Variants in SUPT3H observed in about 807,000 individuals in gnomAD.
The protein encoded by SUPT3H is transcription initiation protein SPT3 homolog.
A neutral mutation model predicts 44.3 loss-of-function variants in SUPT3H; 44 were observed. The ratio of observed to expected loss-of-function variants is 0.99; its 90% CI spans 0.78 to 1.28. The LOEUF (loss-of-function observed/expected upper bound fraction) is 1.28, where lower values mean the gene tolerates loss of function less well. SUPT3H is among the 50% of genes most tolerant of loss of function. The probability of loss-of-function intolerance (pLI) is 0.00; values close to 1 mark genes in which losing one functional copy is unlikely to be tolerated. For missense variants in SUPT3H, 380 were observed against 387.1 expected, an observed-to-expected ratio of 0.98 and a Z score of 0.15; for synonymous variants, 124 against 125.6, an observed-to-expected ratio of 0.99 and a Z score of 0.09.
chr6:44,868,021 G>T (rs1775776721), intron 10 of SUPT3H, among the ~76,000 whole-genome samples: 1 of 148,092 alleles, frequency 6.8e-6, no homozygotes. Context: ...AATTCTCAAT[G>T]GATCTCTTGG....
intron 3 of SUPT3H, among the ~76,000 whole-genome samples, chr6:45,053,276 C>T (rs1413051809): frequency 6.6e-6 from 1 of 151,182 alleles, no homozygotes; most frequent in Non-Finnish European, 1.5e-5. Context: ...GTCTCCAACT[C>T]CCAGCCTCAA....
At chr6:45,265,807 T>A (rs1775159079) in intron 2 of SUPT3H, among the ~76,000 whole-genome samples, 1 of 152,068 alleles carries the variant, frequency 6.6e-6, no homozygotes, top group Non-Finnish European at 1.5e-5. Flanking sequence ...CAAGCAAGAA[T>A]GTTATGTTTG....
intron 2 of SUPT3H, among the ~76,000 whole-genome samples, chr6:45,295,071 A>G (rs1220181851): frequency 1.3e-5 from 2 of 152,140 alleles, no homozygotes; most frequent in Non-Finnish European, 2.9e-5. Context: ...ATAAACCTGG[A>G]GGCATCACAT....
At chr6:45,240,947 C>A (rs999095536) in intron 2 of SUPT3H, among the ~76,000 whole-genome samples, 15 of 152,172 alleles carry the variant, frequency 9.9e-5, no homozygotes, top group Non-Finnish European at 5.9e-5. Flanking sequence ...GCATCCCAGG[C>A]ACACCTGACC....
chr6:45,213,358 A>G (rs1254816342), intron 2 of SUPT3H, among the ~76,000 whole-genome samples: 1 of 152,234 alleles, frequency 6.6e-6, no homozygotes, highest in Non-Finnish European at 1.5e-5. Flanking sequence ...TGTAAATTTA[A>G]TATGAAAAAA....
intron 10 of SUPT3H, among the ~76,000 whole-genome samples, chr6:44,922,745 G>A (rs1024270104): frequency 2.0e-5 from 3 of 152,092 alleles, no homozygotes; most frequent in Non-Finnish European, 4.4e-5. Context: ...GCAACTTAAT[G>A]TACTGAAAGA....
intron 2 of SUPT3H, 57 bp downstream of exon 2, chr6:45,365,144 T>C: frequency 1.8e-6 from 2 of 1,083,388 alleles, no homozygotes; most frequent in Non-Finnish European, 2.7e-6. Context: ...GTCTATTGTC[T>C]TTCAACATGA....
rs145020125 is a variant in SUPT3H at position 44,957,089 on chromosome 6, T to C, written c.581-2482A>G. ...CTAGTAACCTAGAGGGAAAGATTGA[T>C]AGTGAAGATTTTATGAAATCTGTAA... On this transcript the variant is annotated intron_variant, in intron 7 of 10. Coordinates refer to ENST00000371459, the MANE Select transcript of SUPT3H (RefSeq NM_003599.4). 1.7e-3 allele frequency among the ~76,000 whole-genome samples: 265 copies of C among 152,320 alleles called. 10 individuals are homozygous for C. The East Asian group carries it at 0.047, about 27-fold the overall frequency.
chr6:45,029,389 A>G (rs76278307), intron 3 of SUPT3H, among the ~76,000 whole-genome samples: 2,932 of 150,810 alleles, frequency 0.019, 58 homozygotes, highest in South Asian at 0.086. Flanking sequence ...GTGTGTGTAC[A>G]TATATTGCAT....
At chr6:45,267,668 A>T (rs1413055483) in intron 2 of SUPT3H, among the ~76,000 whole-genome samples, 1 of 152,216 alleles carries the variant, frequency 6.6e-6, no homozygotes, top group Non-Finnish European at 1.5e-5. Context: ...TATTGCACTT[A>T]GCAGAGTTAC....
intron 2 of SUPT3H, among the ~76,000 whole-genome samples, chr6:45,228,643 A>G (rs928492001): frequency 6.6e-6 from 1 of 152,132 alleles, no homozygotes; most frequent in Admixed American, 6.5e-5. Flanking sequence ...TTCTAAAAAT[A>G]AAAATAAAAA....
At chr6:45,288,557 ATATATATG>A (rs1562882103) in intron 2 of SUPT3H, among the ~76,000 whole-genome samples, 2 of 11,046 alleles carry the variant, frequency 1.8e-4, no homozygotes, top group East Asian at 3.0e-3. Flanking sequence ...GTATATATAT[ATATATATG>A]TATATATATA....
intron 3 of SUPT3H, among the ~76,000 whole-genome samples, chr6:45,031,080 G>T (rs893178724): frequency 2.0e-5 from 3 of 152,056 alleles, no homozygotes; most frequent in Non-Finnish European, 2.9e-5. Context: ...TTTTTTAAAT[G>T]CCTATGATTT....
chr6:45,193,765 G>T (rs184664363), intron 2 of SUPT3H, among the ~76,000 whole-genome samples: 1 of 152,054 alleles, frequency 6.6e-6, no homozygotes, highest in Non-Finnish European at 1.5e-5. Context: ...TCTTAGAAAA[G>T]TTCAATCAGT....
At chr6:44,906,646 C>T (rs1022199886) in intron 10 of SUPT3H, among the ~76,000 whole-genome samples, 1 of 152,050 alleles carries the variant, frequency 6.6e-6, no homozygotes, top group Non-Finnish European at 1.5e-5. Flanking sequence ...CCTATAATCC[C>T]AGTTACTTGG....
intron 10 of SUPT3H, among the ~76,000 whole-genome samples, chr6:44,914,646 A>G (rs1562035269): frequency 6.6e-6 from 1 of 152,216 alleles, no homozygotes; most frequent in African/African-American, 2.4e-5. Context: ...AGGCACATTA[A>G]GTTTGAGGGG....
intron 2 of SUPT3H, among the ~76,000 whole-genome samples, chr6:45,265,268 CT>C (rs558022605): frequency 3.3e-5 from 5 of 151,976 alleles, no homozygotes; most frequent in Non-Finnish European, 7.4e-5. Flanking sequence ...TAGGTAAGAC[CT>C]TATGTCCTTT....
intron 2 of SUPT3H, among the ~76,000 whole-genome samples, chr6:45,142,736 CAAAAAAAAAA>C (rs70993502): frequency 5.3e-4 from 8 of 14,966 alleles, no homozygotes; most frequent in African/African-American, 1.4e-3. Context: ...AACTCCGTCT[CAAAAAAAAAA>C]AAAAAAAAAA....
intron 5 of SUPT3H, among the ~76,000 whole-genome samples, chr6:45,005,697 T>C (rs1288207103): frequency 1.0e-5 from 1 of 100,312 alleles, no homozygotes; most frequent in African/African-American, 4.6e-5. Flanking sequence ...GCAAAACTCG[T>C]CTCAAAAAAA....
Sources: allele counts gnomAD v4.1 joint callset (sites outside exome capture counted in the v4.1 genomes callset), GRCh38; gene constraint gnomAD v4.1.1; transcripts MANE v1.5; gene names NCBI Gene and HGNC (gene_info 2026-07-23, HGNC 2026-07-21).